The following ALPK1 variants were observed in gnomAD, a reference collection of about 807,000 sequenced individuals.
ALPK1 encodes alpha kinase 1.
A neutral mutation model predicts 120.6 loss-of-function variants in ALPK1; 110 were observed. That is an observed-to-expected ratio of 0.91 (90% CI 0.78 to 1.07). The LOEUF (loss-of-function observed/expected upper bound fraction) is 1.07. ALPK1 is among the 50% of genes least tolerant of loss of function. The pLI, the probability that ALPK1 is intolerant of heterozygous loss-of-function variation, is 0.00. For missense variants in ALPK1, 1,498 were observed against 1,483.9 expected, an observed-to-expected ratio of 1.01 and a Z score of -0.16; for synonymous variants, 582 against 560.3, an observed-to-expected ratio of 1.04 and a Z score of -0.55.
intron 2 of ALPK1, among the ~76,000 whole-genome samples, chr4:112,344,440 A>C (rs1320338213): frequency 2.6e-5 from 4 of 152,210 alleles, no homozygotes; most frequent in Admixed American, 2.6e-4. Context: ...ATGGAGTTTG[A>C]TAATTTGGAT....
chr4:112,387,983 T>C (rs532877639), intron 4 of ALPK1, among the ~76,000 whole-genome samples: 1 of 152,340 alleles, frequency 6.6e-6, no homozygotes, highest in South Asian at 2.1e-4. Context: ...TAAGTGTCCA[T>C]GAGTTCTCAT....
intron 5 of ALPK1, chr4:112,415,091 A>AG (rs1733677988): frequency 1.3e-5 from 2 of 152,182 alleles, no homozygotes; most frequent in African/African-American, 4.8e-5. Flanking sequence ...TCTGGGATGG[A>AG]GGGGAAAAAA....
intron 1 of ALPK1, among the ~76,000 whole-genome samples, chr4:112,311,349 T>A (rs1728392773): frequency 1.3e-5 from 2 of 152,254 alleles, no homozygotes; most frequent in African/African-American, 4.8e-5. Flanking sequence ...TCAGCCTTTC[T>A]GTTACAATGC....
At chr4:112,372,126 A>G (rs967881967) in intron 2 of ALPK1, among the ~76,000 whole-genome samples, 1 of 151,990 alleles carries the variant, frequency 6.6e-6, no homozygotes, top group Non-Finnish European at 1.5e-5. Flanking sequence ...TCATTACTAT[A>G]TGCTGTTTCT....
At chr4:112,396,459 C>T (rs775903379) in intron 4 of ALPK1, among the ~76,000 whole-genome samples, 3 of 152,206 alleles carry the variant, frequency 2.0e-5, no homozygotes, top group Non-Finnish European at 4.4e-5. Context: ...GAGTTCTGGT[C>T]ATCAGCTCCT....
Position 112,411,899 on chromosome 4 carries a change from T to A in ALPK1, c.349T>A (p.Phe117Ile), listed in dbSNP as rs753685488. 1.9e-6 allele frequency: 3 copies of A among 1,614,030 alleles called. No homozygotes were observed. Among genetic ancestry groups the A allele is most frequent in the Admixed American group, 1.7e-5 (1 of 60,002 alleles). ...GGCTATTGTGTTCTTGGTGGACCGG[T>A]TCCTGTATGGGCTCGACGTCTCTGG... ...AAAIVFLVDR[F>I]LYGLDVSGKL... The change falls in exon 5 of 16, where the codon TTC becomes ATC. Residue 117 changes from phenylalanine to isoleucine, a missense_variant. Transcript: ENST00000650871.
chr4:112,299,472 G>A (rs1263002477), intron 1 of ALPK1, among the ~76,000 whole-genome samples: 2 of 152,108 alleles, frequency 1.3e-5, no homozygotes, highest in Non-Finnish European at 1.5e-5. Flanking sequence ...TAAGTAAGAA[G>A]TTGAGCTAAT....
At chr4:112,352,713 T>A (rs1393327849) in intron 2 of ALPK1, 1 of 152,212 alleles carries the variant, frequency 6.6e-6, no homozygotes, top group Non-Finnish European at 1.5e-5. Context: ...AACTGTATAT[T>A]TGTATCCTGT....
intron 2 of ALPK1, among the ~76,000 whole-genome samples, chr4:112,331,103 T>C (rs1195818168): frequency 6.6e-6 from 1 of 152,184 alleles, no homozygotes; most frequent in Non-Finnish European, 1.5e-5. Flanking sequence ...AGTGGTGTGG[T>C]AGCCAGATTT....
intron 2 of ALPK1, among the ~76,000 whole-genome samples, chr4:112,351,137 C>T (rs955522573): frequency 3.2e-4 from 48 of 152,178 alleles, no homozygotes; most frequent in African/African-American, 1.1e-3. Context: ...AGAGTATGAG[C>T]GGCAGCCTCT....
chr4:112,393,458 C>A lies in ALPK1; in HGVS notation c.276+10906C>A, dbSNP rs188413145. Among the ~76,000 whole-genome samples the A allele has an allele frequency of 3.9e-5, 6 of 152,088 alleles. No individual in the cohort carries two copies. In the East Asian group the frequency reaches 1.2e-3, roughly 29 times the overall value. Reference sequence around the variant, plus strand: ...CTTACAGAAGTACCTAATACTAATCCTCAACAAGAAAATCTTCTAAATAAA... The same window carrying A: ...CTTACAGAAGTACCTAATACTAATCATCAACAAGAAAATCTTCTAAATAAA... On this transcript the variant is annotated intron_variant, in intron 4 of 15. Transcript: ENST00000650871.
At chr4:112,303,924 G>A (rs569708894) in intron 1 of ALPK1, among the ~76,000 whole-genome samples, 98 of 151,626 alleles carry the variant, frequency 6.5e-4, no homozygotes, top group East Asian at 5.8e-4. Context: ...TACAAGCCCC[G>A]GTGTGTGATG....
intron 4 of ALPK1, among the ~76,000 whole-genome samples, chr4:112,409,887 A>G (rs1257364201): frequency 6.6e-6 from 1 of 152,232 alleles, no homozygotes; most frequent in Non-Finnish European, 1.5e-5. Flanking sequence ...AATGACAGCA[A>G]TGATAGACTC....
intron 4 of ALPK1, among the ~76,000 whole-genome samples, chr4:112,394,238 G>A (rs1025113065): frequency 6.6e-6 from 1 of 152,162 alleles, no homozygotes; most frequent in Admixed American, 6.5e-5. Flanking sequence ...CTTTGCCCTT[G>A]TTGCACTCCT....
chr4:112,441,176 C>T (rs376080923), intron 15 of ALPK1, 27 bp from the exon 16 acceptor site: 41 of 1,612,212 alleles, frequency 2.5e-5, no homozygotes, highest in South Asian at 5.5e-5. Context: ...TGGTGATGCT[C>T]GCAAATATCT....
rs748167658 is a variant in ALPK1, at chr4:112,431,890, T to C, written c.2343T>C (p.Ser781=). ...GCGCAGGCCCTACATTTAAAGCTAGTCCCTCCTGGGTTGACCCAGAAGGAG... is the reference window on the plus strand; with the variant it reads ...GCGCAGGCCCTACATTTAAAGCTAGCCCCTCCTGGGTTGACCCAGAAGGAG... ...ERGAGPTFKA[S]PSWVDPEGET... The change falls in exon 11 of 16, where the codon AGT becomes AGC. Residue 781 remains serine, a synonymous_variant. Coordinates refer to ENST00000650871, the MANE Select transcript of ALPK1 (RefSeq NM_025144.4). 1.9e-6 allele frequency: 3 copies of C among 1,613,832 alleles called. No homozygotes were observed. The East Asian group carries it at 6.7e-5, about 36-fold the overall frequency.
intron 3 of ALPK1, among the ~76,000 whole-genome samples, chr4:112,380,912 C>G (rs2148728392): frequency 6.6e-6 from 1 of 152,120 alleles, no homozygotes; most frequent in South Asian, 2.1e-4. Flanking sequence ...TGGAAGTGCT[C>G]AGAGCAGGCG....
intron 4 of ALPK1, among the ~76,000 whole-genome samples, chr4:112,399,574 T>C (rs1375919674): frequency 6.6e-6 from 1 of 152,094 alleles, no homozygotes; most frequent in Non-Finnish European, 1.5e-5. Context: ...AAGAAAGGAT[T>C]GTTTTTCTCT....
At chr4:112,439,551 C>T (rs1734936036) in intron 13 of ALPK1, 135 bp from the exon 14 acceptor site, 2 of 623,228 alleles carry the variant, frequency 3.2e-6, no homozygotes, top group East Asian at 3.0e-5. Flanking sequence ...TATAATTATA[C>T]CTACTTTACC....
Sources: allele counts gnomAD v4.1 joint callset (sites outside exome capture counted in the v4.1 genomes callset), GRCh38; gene constraint gnomAD v4.1.1; transcripts MANE v1.5; gene names NCBI Gene and HGNC (gene_info 2026-07-23, HGNC 2026-07-21).